The following ZNF385D variants were observed in gnomAD, a reference collection of about 807,000 sequenced individuals.
ZNF385D encodes the protein zinc finger protein 659.
In ZNF385D, 15 loss-of-function variants were observed where a neutral mutation model predicts 35.8. The ratio of observed to expected loss-of-function variants is 0.42; its 90% CI spans 0.28 to 0.64. ZNF385D has a LOEUF of 0.64. ZNF385D is among the 30% of genes least tolerant of loss of function. The pLI, the probability that ZNF385D is intolerant of heterozygous loss-of-function variation, is 0.23. For synonymous variants in ZNF385D, 212 were observed against 186.8 expected (o/e 1.13, Z -1.10); for missense variants, 474 against 494.6 (o/e 0.96, Z 0.39).
At chr3:22,278,285 C>T (rs756535198) in intron 2 of ZNF385D, among the ~76,000 whole-genome samples, 5 of 152,036 alleles carry the variant, frequency 3.3e-5, no homozygotes, top group Non-Finnish European at 5.9e-5. Context: ...TCATTGTCAC[C>T]GAGTGTATCA....
chr3:21,745,447 A>G (rs950035498), intron 1 of ZNF385D, among the ~76,000 whole-genome samples: 1 of 152,182 alleles, frequency 6.6e-6, no homozygotes, highest in African/African-American at 2.4e-5. Flanking sequence ...ATCAGGGCTG[A>G]CTTCCAGCTG....
At chr3:21,738,154 G>A (rs1575565096) in intron 1 of ZNF385D, among the ~76,000 whole-genome samples, 1 of 152,180 alleles carries the variant, frequency 6.6e-6, no homozygotes, top group African/African-American at 2.4e-5. Flanking sequence ...TTTGTGCATT[G>A]GTTCTCTTGT....
chr3:21,942,154 T>C (rs1477049888), intron 3 of ZNF385D, among the ~76,000 whole-genome samples: 1 of 152,226 alleles, frequency 6.6e-6, no homozygotes, highest in Non-Finnish European at 1.5e-5. Context: ...TCAAAAATTT[T>C]ATAGCGTAAT....
intron 3 of ZNF385D, among the ~76,000 whole-genome samples, chr3:21,840,459 T>G (rs1695594549): frequency 6.6e-6 from 1 of 152,056 alleles, no homozygotes; most frequent in Middle Eastern, 3.2e-3. Flanking sequence ...TTGCACTCCT[T>G]CCTTTTGTCT....
intron 1 of ZNF385D, among the ~76,000 whole-genome samples, chr3:21,705,217 C>T (rs2067852703): frequency 6.6e-6 from 1 of 152,102 alleles, no homozygotes; most frequent in Non-Finnish European, 1.5e-5. Flanking sequence ...AGCTGGCATG[C>T]TATCAGTTTA....
chr3:21,600,407 A>G (rs757659526), intron 2 of ZNF385D, among the ~76,000 whole-genome samples: 2 of 152,178 alleles, frequency 1.3e-5, no homozygotes, highest in African/African-American at 4.8e-5. Context: ...GAGATGAGCA[A>G]TTTGTGTTAT....
At chr3:22,229,307 A>G (rs770084320) in intron 2 of ZNF385D, among the ~76,000 whole-genome samples, 2 of 152,120 alleles carry the variant, frequency 1.3e-5, no homozygotes, top group Non-Finnish European at 2.9e-5. Flanking sequence ...GAGGTCCTCC[A>G]CTGGATTAAC....
chr3:21,627,487 A>G (rs547790859), intron 2 of ZNF385D, among the ~76,000 whole-genome samples: 26 of 152,166 alleles, frequency 1.7e-4, no homozygotes, highest in African/African-American at 6.0e-4. Context: ...GATGCTGTGA[A>G]AATCAGGTCT....
At position 22,371,201 on chromosome 3, in the gene ZNF385D, G is replaced by A. The variant is rs112723878; in HGVS notation, c.106+1249C>T. Among the ~76,000 whole-genome samples, 1,405 of 152,226 alleles carry A rather than the reference G, an allele frequency of 9.2e-3. 19 individuals carry two copies. The highest frequency in any genetic ancestry group is 0.032 in the African/African-American group (1,308 of 41,518). On this transcript the variant is annotated intron_variant, in intron 2 of 5. Transcript: ENST00000494108. ...ACCAGCATAGGCCAACGAGTGGCAC[G>A]ACAACCCAGAGGGAGGAAGACCTTT...
intron 3 of ZNF385D, among the ~76,000 whole-genome samples, chr3:21,555,029 A>G (rs1334494241): frequency 1.3e-5 from 2 of 152,172 alleles, no homozygotes; most frequent in Admixed American, 6.5e-5. Context: ...AGTACATCTA[A>G]TTACCTTCAA....
chr3:22,360,419 G>A (rs1696359399), intron 2 of ZNF385D, among the ~76,000 whole-genome samples: 2 of 151,890 alleles, frequency 1.3e-5, no homozygotes, highest in South Asian at 4.1e-4. Flanking sequence ...CACAGGTTTA[G>A]TTCCAAACAC....
At chr3:22,347,750 T>C (rs1308573985) in intron 2 of ZNF385D, among the ~76,000 whole-genome samples, 2 of 152,166 alleles carry the variant, frequency 1.3e-5, no homozygotes, top group Non-Finnish European at 2.9e-5. Flanking sequence ...ATCTCAGCTA[T>C]TAAATTTGGG....
intron 3 of ZNF385D, among the ~76,000 whole-genome samples, chr3:21,914,826 T>C (rs1335619738): frequency 6.6e-6 from 1 of 152,000 alleles, no homozygotes; most frequent in Non-Finnish European, 1.5e-5. Context: ...GTCTTTATTT[T>C]ACCAAGAGTT....
intron 3 of ZNF385D, among the ~76,000 whole-genome samples, chr3:21,938,965 G>T (rs1701387850): frequency 6.6e-6 from 1 of 152,206 alleles, no homozygotes; most frequent in Non-Finnish European, 1.5e-5. Context: ...AAGTCTTCCA[G>T]TTCAAGGCCC....
At chr3:22,269,302 A>T (rs1037768331) in intron 2 of ZNF385D, among the ~76,000 whole-genome samples, 1 of 151,984 alleles carries the variant, frequency 6.6e-6, no homozygotes, top group Non-Finnish European at 1.5e-5. Flanking sequence ...CTTGGTGGCT[A>T]TAAGACCACG....
intron 2 of ZNF385D, among the ~76,000 whole-genome samples, chr3:21,581,326 T>G (rs1364635314): frequency 6.6e-6 from 1 of 152,194 alleles, no homozygotes; most frequent in Non-Finnish European, 1.5e-5. Context: ...TGCAATTGTT[T>G]CCAGCAAGAC....
chr3:22,318,414 G>A (rs552296378), intron 2 of ZNF385D, among the ~76,000 whole-genome samples: 1 of 152,310 alleles, frequency 6.6e-6, no homozygotes, highest in South Asian at 2.1e-4. Flanking sequence ...AACCAGACAA[G>A]TTTGTCTCCA....
intron 3 of ZNF385D, among the ~76,000 whole-genome samples, chr3:21,859,346 G>T (rs1696912207): frequency 6.6e-6 from 1 of 151,904 alleles, no homozygotes. Context: ...GAGAGTCTGG[G>T]GTTATGCATG....
chr3:22,209,596 T>G (rs768296757), intron 2 of ZNF385D, among the ~76,000 whole-genome samples: 5 of 151,872 alleles, frequency 3.3e-5, no homozygotes, highest in Non-Finnish European at 7.4e-5. Context: ...TTTTATTGCA[T>G]TTTTCCAAGA....
Sources: gnomAD v4.1 joint callset for allele counts (sites outside exome capture counted in the v4.1 genomes callset) on GRCh38, gnomAD v4.1.1 for gene constraint, MANE v1.5 for transcripts, NCBI Gene and HGNC (gene_info 2026-07-23, HGNC 2026-07-21) for gene names.